Variants in POLG observed in about 807,000 individuals in gnomAD.
The protein encoded by POLG is DNA polymerase gamma, catalytic subunit, also known as DNA polymerase subunit gamma-1.
In POLG, 110 loss-of-function variants were observed where a neutral mutation model predicts 155.4. The ratio of observed to expected loss-of-function variants is 0.71; its 90% CI spans 0.61 to 0.83. POLG has a LOEUF of 0.83. POLG is among the 40% of genes least tolerant of loss of function. POLG has a pLI of 0.00. For synonymous variants in POLG, 701 were observed against 631.5 expected (o/e 1.11, Z -1.65); for missense variants, 1,685 against 1,627.5 (o/e 1.04, Z -0.61).
In POLG at chr15:89,316,616, G is replaced by A. The variant is rs544746243; in HGVS notation, c.*135C>T. The A allele has an allele frequency of 9.1e-7, 1 of 1,097,392 alleles. No individual in the cohort carries two copies. The highest frequency in any genetic ancestry group is 1.4e-6 in the Non-Finnish European group (1 of 724,452). The allele number at this position is 1,097,392 out of a possible 1,614,324, so 68.0% of individuals were successfully genotyped here. On this transcript the variant is annotated 3_prime_UTR_variant, in exon 23 of 23. Transcript: ENST00000268124. ...CCTTCAGTTAGAAGGAATCTTCTTG[G>A]CAGGTCCTGCTACTGAAAAATGGCT... is the stretch of plus-strand genomic sequence containing the variant.
At chr15:89,330,364 C>T in intron 2 of POLG, 88 bp from the exon 3 acceptor site, 1 of 1,025,188 alleles carries the variant, frequency 9.8e-7, no homozygotes, top group East Asian at 2.5e-5. Flanking sequence ...CGCCACATGC[C>T]AGATGGTGCA....
Position 89,329,066 on chromosome 15 carries a change from G to A in POLG, c.900C>T (p.Ala300=), listed in dbSNP as rs2152068161. Residue 300 remains alanine, a synonymous_variant, in exon 4 of 23, where the codon GCC becomes GCT. Transcript: ENST00000268124. ...RFLDTMSMHM[A]ISGLSSFQRS... ...GCTGGAAGCTGCTTAGCCCTGAGAT[G>A]GCCATGTGCATGCTCATGGTGTCCA... 6.2e-7 allele frequency: 1 copy of A among 1,612,958 alleles called. No individual in the cohort carries two copies. Among genetic ancestry groups the A allele is most frequent in the South Asian group, 1.1e-5 (1 of 91,054 alleles).
intron 2 of POLG, among the ~76,000 whole-genome samples, chr15:89,331,562 G>A (rs2055594449): frequency 6.6e-6 from 1 of 152,240 alleles, no homozygotes; most frequent in Non-Finnish European, 1.5e-5. Flanking sequence ...GAAAAATGCT[G>A]ATGGCCAGAG....
chr15:89,318,344 ACT>A (rs1388732115), intron 21 of POLG, among the ~76,000 whole-genome samples, 195 bp downstream of exon 21: 8 of 148,870 alleles, frequency 5.4e-5, no homozygotes, highest in Admixed American at 4.0e-4. Context: ...AAACCCAATA[ACT>A]CTTTTTTTAC....
chr15:89,333,972 T>C, intron 1 of POLG, 59 bp from the exon 2 acceptor site: 1 of 600,446 alleles, frequency 1.7e-6, no homozygotes. Context: ...GGTGTATCCA[T>C]AATCATCATT....
rs751376824 is a variant in POLG at position 89,321,254 on chromosome 15, G to A, written c.2605C>T (p.Arg869Ter). ...WLTASNARPDRVGSELKAMVQ... is the reference protein window; with the variant it reads ...WLTASNARPD Reference sequence around the variant, plus strand: ...ATGGCTTTCAACTCACTGCCTACTCGGTCAGGCTGTGGGAAGAGTGAGATA... The same window carrying A: ...ATGGCTTTCAACTCACTGCCTACTCAGTCAGGCTGTGGGAAGAGTGAGATA... Residue 869 changes from arginine (R) to a stop codon, truncating the protein, a stop_gained, in exon 17 of 23, where the codon CGA (arginine) becomes TGA (stop). Transcript: ENST00000268124. LOFTEE classifies it high-confidence loss of function. 6 of 1,613,944 alleles carry A rather than the reference G, an allele frequency of 3.7e-6. No individual in the cohort carries two copies. Among genetic ancestry groups the A allele is most frequent in the South Asian group, 2.2e-5 (2 of 91,060 alleles).
Position 89,316,672 on chromosome 15 carries a change from C to G in POLG, c.*79G>C. Reference sequence around the variant, plus strand: ...TAGGCAAGCCCTTTTGCAAAAAGCACAGCTGAAAGCCTGAGTTTGGGAGCC... The same window carrying G: ...TAGGCAAGCCCTTTTGCAAAAAGCAGAGCTGAAAGCCTGAGTTTGGGAGCC... On this transcript the variant is annotated 3_prime_UTR_variant, in exon 23 of 23. Coordinates refer to ENST00000268124, the MANE Select transcript of POLG (RefSeq NM_002693.3). 1 of 1,314,280 alleles carries G rather than the reference C, an allele frequency of 7.6e-7. No individual in the cohort carries two copies. The highest frequency in any genetic ancestry group is 1.1e-6 in the Non-Finnish European group (1 of 910,154). The allele number at this position is 1,314,280 out of a possible 1,614,324, so 81.4% of individuals were successfully genotyped here. A position where few individuals can be genotyped will look rare whatever the true frequency, so the allele number is the denominator to read the frequency against.
In POLG at chr15:89,317,759, C is replaced by CT. The variant is rs34171931; in HGVS notation, c.3483-224dup. ...GAAATGCAATTATGGACTCAACATA[C>CT]TTTTTTTTTTTTTCCCAGTTTGGTA... On this transcript the variant is annotated intron_variant, in intron 21 of 22. Coordinates refer to ENST00000268124, the MANE Select transcript of POLG (RefSeq NM_002693.3). The CT allele has an allele frequency of 0.42, 197,708 of 470,106 alleles. 21,021 individuals carry two copies. Among genetic ancestry groups the CT allele is most frequent in the African/African-American group, 0.57 (28,389 of 49,474 alleles). The allele number at this position is 470,106 out of a possible 1,614,324, so 29.1% of individuals were successfully genotyped here.
Position 89,325,582 on chromosome 15 carries a change from G to C in POLG, c.1817C>G (p.Thr606Ser). 1 of 1,613,796 alleles carries C rather than the reference G, an allele frequency of 6.2e-7. No homozygotes were observed. Residue 606 changes from threonine to serine, a missense_variant, in exon 10 of 23, where the codon ACC (threonine) becomes AGC (serine). Coordinates refer to ENST00000268124, the MANE Select transcript of POLG (RefSeq NM_002693.3). ...GTAGTGCAGAGGGAAGCCATCCCAG[G>C]TAAGTGCCATGAGTTTAGGTGTGAC... ...MRVTPKLMAL[T>S]WDGFPLHYSE...
Position 89,326,711 on chromosome 15 carries a change from T to C in POLG, c.1613A>G (p.Glu538Gly). 1 of 1,613,806 alleles carries C rather than the reference T, an allele frequency of 6.2e-7. No homozygotes were observed. Among genetic ancestry groups the C allele is most frequent in the Non-Finnish European group, 8.5e-7 (1 of 1,179,850 alleles). ...EDLGPCSEEE[E>G]FQQDVMARAC... ...GCGGGCCATGACATCTTGTTGAAAC[T>C]CCTCCTCCTCACTGCAGGGGCCGAG... The change falls in exon 9 of 23, where the codon GAG becomes GGG. Residue 538 changes from glutamate (E) to glycine (G), a missense_variant. Around this residue, in one of 3 missense-constraint regions of POLG, gnomAD observed 1,210 missense variants for 1,167.1 expected, o/e 1.04. Transcript: ENST00000268124.
In POLG at chr15:89,327,056, C is replaced by G. The variant is rs750793357; in HGVS notation, c.1441G>C (p.Glu481Gln). The change falls in exon 8 of 23, where the codon GAA (glutamate) becomes CAA (glutamine). Residue 481 changes from glutamate (E) to glutamine (Q), a missense_variant. Glu to Gln is a conservative substitution (Grantham distance 29). Around this residue, in one of 3 missense-constraint regions of POLG, gnomAD observed 1,210 missense variants for 1,167.1 expected, o/e 1.04. Transcript: ENST00000268124. ...TCCAGGTCCCAGAGCCAGGGGTCTT[C>G]TTTGTACCTACAGAGCCAGTCCACT... is the stretch of plus-strand genomic sequence containing the variant. ...CQLLSGERYKEDPWLWDLEWD... is the reference protein window; with the variant it reads ...CQLLSGERYKQDPWLWDLEWD... The G allele has an allele frequency of 5.0e-6, 8 of 1,614,248 alleles. No homozygotes were observed. The East Asian group carries it at 1.8e-4, about 36-fold the overall frequency.
chr15:89,319,223 C>G lies in POLG; in HGVS notation c.3104+5G>C. 6.2e-7 allele frequency: 1 copy of G among 1,614,186 alleles called. No individual in the cohort carries two copies. Among genetic ancestry groups the G allele is most frequent in the Non-Finnish European group, 8.5e-7 (1 of 1,180,032 alleles). ...CTCCATCCTTAACACAAAGAAGGTTCTTACTTCCTTGCAGTTTCTCTCTGG... is the reference window on the plus strand; with the variant it reads ...CTCCATCCTTAACACAAAGAAGGTTGTTACTTCCTTGCAGTTTCTCTCTGG... On this transcript the variant is annotated splice_donor_5th_base_variant and intron_variant, in intron 19 of 22. Coordinates refer to ENST00000268124, the MANE Select transcript of POLG (RefSeq NM_002693.3).
chr15:89,318,945 C>G lies in POLG; in HGVS notation c.3259G>C (p.Ala1087Pro), dbSNP rs752254929. Residue 1087 changes from alanine (A) to proline (P), a missense_variant, in exon 20 of 23, where the codon GCT (alanine) becomes CCT (proline). Around this residue, in one of 3 missense-constraint regions of POLG, gnomAD observed 470 missense variants for 439.9 expected, o/e 1.07. Transcript: ENST00000268124. Reference sequence around the variant, plus strand: ...TAGCAAGATACCTCTTCCTGGACAGCCGAGGGCTCCAGGGCTCGGCTGATG... The same window carrying G: ...TAGCAAGATACCTCTTCCTGGACAGGCGAGGGCTCCAGGGCTCGGCTGATG... The part of the protein sequence containing the change: ...CCISRALEPS[A>P]VQEEFMTSRV... 6.2e-7 allele frequency: 1 copy of G among 1,614,146 alleles called. No individual in the cohort carries two copies. Among genetic ancestry groups the G allele is most frequent in the Non-Finnish European group, 8.5e-7 (1 of 1,180,014 alleles).
At chr15:89,323,033 T>C (rs2055418754) in intron 13 of POLG, 131 bp from the exon 14 acceptor site, 2 of 920,178 alleles carry the variant, frequency 2.2e-6, no homozygotes, top group South Asian at 3.1e-5. Context: ...TCCCTGATTG[T>C]ATCACGCACG....
intron 18 of POLG, among the ~76,000 whole-genome samples, chr15:89,319,651 G>A (rs1260630500): frequency 6.6e-6 from 1 of 152,138 alleles, no homozygotes; most frequent in African/African-American, 2.4e-5. Flanking sequence ...CTACTGTCCT[G>A]TTTCTTTAGA....
intron 18 of POLG, among the ~76,000 whole-genome samples, chr15:89,319,859 T>C (rs998998440): frequency 6.6e-6 from 1 of 152,098 alleles, no homozygotes; most frequent in African/African-American, 2.4e-5. Context: ...CCAGCTTCCA[T>C]CTAACCTGCA....
rs1443770274 is a variant in POLG at position 89,316,420 on chromosome 15, A to G, written c.*331T>C. 5 of 1,611,738 alleles carry G rather than the reference A, an allele frequency of 3.1e-6. No individual in the cohort carries two copies. Among genetic ancestry groups the G allele is most frequent in the Non-Finnish European group, 4.2e-6 (5 of 1,178,664 alleles). ...AGGGCACTGCATCAGAGCATGGGGG[A>G]CAGAACAAAGAACCAGCCAAGAAGA... is the stretch of plus-strand genomic sequence containing the variant. On this transcript the variant is annotated 3_prime_UTR_variant, in exon 23 of 23. Coordinates refer to ENST00000268124, the MANE Select transcript of POLG (RefSeq NM_002693.3).
Position 89,333,724 on chromosome 15 carries a change from C to T in POLG, c.31G>A (p.Gly11Ser), listed in dbSNP as rs764055826. MSRLLWRKVA[G>S]ATVGPGPVPA... ...ACCGGCCCTGGCCCGACGGTGGCGC[C>T]GGCCACCTTCCTCCAGAGCAGGCGG... Residue 11 changes from glycine (G) to serine (S), a missense_variant, in exon 2 of 23, where the codon GGC becomes AGC. Gly to Ser is a moderately conservative substitution (Grantham distance 56). This residue lies in a region of POLG where 1,210 missense variants were observed against 1,167.1 expected (regional missense o/e 1.04). Coordinates refer to ENST00000268124, the MANE Select transcript of POLG (RefSeq NM_002693.3). 5.2e-6 allele frequency: 8 copies of T among 1,535,970 alleles called. No individual in the cohort carries two copies. Among genetic ancestry groups the T allele is most frequent in the Non-Finnish European group, 3.5e-6 (4 of 1,146,840 alleles).
At chr15:89,326,026 C>A (rs8029649) in intron 9 of POLG, among the ~76,000 whole-genome samples, 2 of 152,176 alleles carry the variant, frequency 1.3e-5, no homozygotes, top group African/African-American at 2.4e-5. Flanking sequence ...GCCCTCCCCA[C>A]CCCTCTAGAG....
Sources: allele counts gnomAD v4.1 joint callset (sites outside exome capture counted in the v4.1 genomes callset), GRCh38; gene constraint gnomAD v4.1.1; regional missense constraint gnomAD v4.1.1; transcripts MANE v1.5; gene names NCBI Gene and HGNC (gene_info 2026-07-23, HGNC 2026-07-21).